Variants in LDB2 observed in about 807,000 individuals in gnomAD.
The protein encoded by LDB2 is LIM domain binding 2.
Under a neutral mutation model 44.3 loss-of-function variants are expected in LDB2, and 12 were observed. The observed-to-expected ratio is 0.27, with a 90% CI of 0.17 to 0.44. The LOEUF (loss-of-function observed/expected upper bound fraction) is 0.44, where lower values mean the gene tolerates loss of function less well. Among genes scored for constraint, LDB2 ranks in the 20% least tolerant of loss-of-function variants. The pLI is 1.00. For synonymous variants in LDB2, 164 were observed against 174.8 expected, an observed-to-expected ratio of 0.94 and a Z score of 0.49; for missense variants, 344 against 473.5, an observed-to-expected ratio of 0.73 and a Z score of 2.54.
intron 2 of LDB2, among the ~76,000 whole-genome samples, chr4:16,714,343 A>C (rs1229512949): frequency 1.3e-5 from 2 of 152,206 alleles, no homozygotes; most frequent in Non-Finnish European, 2.9e-5. Context: ...GATGTGAGGA[A>C]TCCCACTCCA....
At chr4:16,747,230 C>G (rs1764574074) in intron 2 of LDB2, among the ~76,000 whole-genome samples, 1 of 152,170 alleles carries the variant, frequency 6.6e-6, no homozygotes, top group East Asian at 1.9e-4. Context: ...AGCTGCTGCA[C>G]TGCTGTGAAC....
intron 5 of LDB2, among the ~76,000 whole-genome samples, chr4:16,529,281 A>G (rs151251253): frequency 8.5e-5 from 13 of 152,244 alleles, no homozygotes; most frequent in African/African-American, 3.1e-4. Flanking sequence ...TTGGGAATGT[A>G]TCTCTATCAT....
intron 1 of LDB2, among the ~76,000 whole-genome samples, chr4:16,786,338 CTGTT>C (rs1389387935): frequency 2.0e-5 from 3 of 152,192 alleles, no homozygotes; most frequent in Non-Finnish European, 4.4e-5. Context: ...CATCTGCTGT[CTGTT>C]TATTTGTTTA....
At chr4:16,744,558 T>C (rs1764003197) in intron 2 of LDB2, among the ~76,000 whole-genome samples, 1 of 151,912 alleles carries the variant, frequency 6.6e-6, no homozygotes, top group African/African-American at 2.4e-5. Flanking sequence ...GACTGCAAGC[T>C]CCGCCTCCTG....
chr4:16,786,397 A>G (rs921856593), intron 1 of LDB2, among the ~76,000 whole-genome samples: 12 of 152,222 alleles, frequency 7.9e-5, no homozygotes, highest in African/African-American at 2.9e-4. Flanking sequence ...AGGAAGCAGA[A>G]GATTTCAGCT....
chr4:16,780,798 A>G (rs927365257), intron 1 of LDB2, among the ~76,000 whole-genome samples: 10 of 151,434 alleles, frequency 6.6e-5, no homozygotes, highest in African/African-American at 2.4e-4. Flanking sequence ...ATGCTTTATT[A>G]CTTTTTAAAA....
At position 16,592,334 on chromosome 4, in the gene LDB2, T is replaced by C. The variant is rs191731524; in HGVS notation, c.408+3369A>G. On this transcript the variant is annotated intron_variant, in intron 3 of 7. Coordinates refer to ENST00000304523, the MANE Select transcript of LDB2 (RefSeq NM_001290.5). ...TGCTTGTTAAGTGGGAGTGTTTATG[T>C]AATTTTCTGAGTTTGTATGCTTGGA... is the stretch of plus-strand genomic sequence containing the variant. Among the ~76,000 whole-genome samples the C allele has an allele frequency of 3.3e-5, 5 of 152,118 alleles. No homozygotes were observed. In the East Asian group the frequency reaches 7.7e-4, roughly 24 times the overall value.
intron 2 of LDB2, among the ~76,000 whole-genome samples, chr4:16,680,227 T>C (rs1408659715): frequency 1.3e-5 from 2 of 152,218 alleles, no homozygotes; most frequent in African/African-American, 4.8e-5. Context: ...ATGCTGGACT[T>C]CCCTGCTTTC....
intron 2 of LDB2, among the ~76,000 whole-genome samples, chr4:16,707,480 G>A (rs1033300981): frequency 6.6e-6 from 1 of 152,116 alleles, no homozygotes; most frequent in Non-Finnish European, 1.5e-5. Flanking sequence ...AAGACAATTG[G>A]TTGGGACTGT....
chr4:16,798,053 A>G lies in LDB2; in HGVS notation c.133-38793T>C, dbSNP rs28614097. Reference sequence around the variant, plus strand: ...CTGTCTCGAAAAAAAAAAAAAAAAAAGCTGTATAATCTTAGGCAAATTATT... The same window carrying G: ...CTGTCTCGAAAAAAAAAAAAAAAAAGGCTGTATAATCTTAGGCAAATTATT... On this transcript the variant is annotated intron_variant, in intron 1 of 7. Coordinates refer to ENST00000304523, the MANE Select transcript of LDB2 (RefSeq NM_001290.5). Among the ~76,000 whole-genome samples, 463 of 150,770 alleles carry G rather than the reference A, an allele frequency of 3.1e-3. 4 individuals are homozygous for G. The highest frequency in any genetic ancestry group is 0.01 in the African/African-American group (408 of 40,632).
chr4:16,565,603 C>T (rs1355841582), intron 5 of LDB2, among the ~76,000 whole-genome samples: 1 of 151,776 alleles, frequency 6.6e-6, no homozygotes, highest in African/African-American at 2.4e-5. Flanking sequence ...ATTATCCTCA[C>T]TATTATTCAA....
chr4:16,656,773 T>C (rs1296832332), intron 2 of LDB2, among the ~76,000 whole-genome samples: 1 of 152,206 alleles, frequency 6.6e-6, no homozygotes, highest in South Asian at 2.1e-4. Context: ...TTCTTTGTAC[T>C]ATATAACATT....
At chr4:16,561,491 C>T (rs1052537952) in intron 5 of LDB2, among the ~76,000 whole-genome samples, 20 of 152,240 alleles carry the variant, frequency 1.3e-4, no homozygotes, top group African/African-American at 4.6e-4. Context: ...GAATAAAATA[C>T]CTAGGAATCC....
intron 2 of LDB2, among the ~76,000 whole-genome samples, chr4:16,624,167 G>A (rs1408877024): frequency 4.6e-5 from 7 of 152,160 alleles, no homozygotes; most frequent in African/African-American, 1.2e-4. Flanking sequence ...TATGTGAGAC[G>A]AACATTAATC....
chr4:16,600,519 A>G (rs534934255), intron 2 of LDB2, among the ~76,000 whole-genome samples: 133 of 152,290 alleles, frequency 8.7e-4, no homozygotes, highest in Middle Eastern at 3.4e-3. Context: ...TATTCATGAA[A>G]GATAAAAGAA....
chr4:16,836,180 A>T (rs749503650), intron 1 of LDB2, among the ~76,000 whole-genome samples: 40 of 152,200 alleles, frequency 2.6e-4, no homozygotes, highest in Non-Finnish European at 4.9e-4. Flanking sequence ...GTGTGAACCA[A>T]AGGTTGGTCA....
At chr4:16,637,283 G>C (rs1223226110) in intron 2 of LDB2, among the ~76,000 whole-genome samples, 1 of 127,346 alleles carries the variant, frequency 7.9e-6, no homozygotes, top group African/African-American at 2.9e-5. Context: ...CTCTATGGAA[G>C]TTCTTGCCTA....
At chr4:16,598,132 T>G (rs1721518704) in intron 2 of LDB2, among the ~76,000 whole-genome samples, 2 of 152,178 alleles carry the variant, frequency 1.3e-5, no homozygotes. Context: ...TTCACGCCCT[T>G]GTGTACGTAG....
chr4:16,776,850 A>G lies in LDB2; in HGVS notation c.133-17590T>C, dbSNP rs564216075. Among the ~76,000 whole-genome samples, 25 of 152,328 alleles carry G rather than the reference A, an allele frequency of 1.6e-4. No homozygotes were observed. In the South Asian group the frequency reaches 5.2e-3, roughly 32 times the overall value. The stretch of plus-strand genomic sequence containing the variant: ...GGCCCTGCAGGGAACGTCTCTTTAG[A>G]GCTGGGCTTCTCAACCTCAGCATCG... On this transcript the variant is annotated intron_variant, in intron 1 of 7. Transcript: ENST00000304523.
Sources: allele counts gnomAD v4.1 joint callset (sites outside exome capture counted in the v4.1 genomes callset), GRCh38; gene constraint gnomAD v4.1.1; transcripts MANE v1.5; gene names NCBI Gene and HGNC (gene_info 2026-07-23, HGNC 2026-07-21).